ANK1: variants seen among roughly 807,000 people sequenced by gnomAD.
The protein encoded by ANK1 is ankyrin 1.
A neutral mutation model predicts 210.4 loss-of-function variants in ANK1; 51 were observed. That is an observed-to-expected ratio of 0.24 (90% CI 0.19 to 0.31). The LOEUF (loss-of-function observed/expected upper bound fraction) is 0.31, where lower values mean the gene tolerates loss of function less well. Ranked by LOEUF, ANK1 falls within the 10% of genes least tolerant of loss-of-function variation. ANK1 has a pLI of 1.00. For synonymous variants in ANK1, 967 were observed against 1,025.9 expected (o/e 0.94, Z 1.10); for missense variants, 2,051 against 2,504.4 (o/e 0.82, Z 3.86).
chr8:41,668,311 C>T lies in ANK1; in HGVS notation c.5350G>A (p.Glu1784Lys), dbSNP rs1184429661. Residue 1784 changes from glutamate to lysine, a missense_variant, in exon 39 of 43, where the codon GAG becomes AAG. This residue lies in a region of ANK1 where 496 missense variants were observed against 533.4 expected (regional missense o/e 0.93). Transcript: ENST00000289734. ...GTGTTCTTGGCCTCCTGCACCTGCTCTTCTTGGCCTTGCTGCCTCCGGTCC... is the reference window on the plus strand; with the variant it reads ...GTGTTCTTGGCCTCCTGCACCTGCTTTTCTTGGCCTTGCTGCCTCCGGTCC... The part of the protein sequence containing the change: ...DRDRRQQGQE[E>K]QVQEAKNTFT... The T allele has an allele frequency of 6.2e-7, 1 of 1,614,136 alleles. No homozygotes were observed. Among genetic ancestry groups the T allele is most frequent in the African/African-American group, 1.3e-5 (1 of 74,944 alleles).
chr8:41,718,712 C>CA (rs1466594796), intron 10 of ANK1, among the ~76,000 whole-genome samples: 1 of 152,184 alleles, frequency 6.6e-6, no homozygotes, highest in Non-Finnish European at 1.5e-5. Context: ...CAGTGGTTCT[C>CA]AAACACGGGA....
chr8:41,693,378 C>A (rs1819829666), intron 29 of ANK1, among the ~76,000 whole-genome samples, 177 bp from the exon 30 acceptor site: 1 of 150,988 alleles, frequency 6.6e-6, no homozygotes, highest in African/African-American at 2.4e-5. Flanking sequence ...GCATGCCCCT[C>A]CTCCTAGGGC....
At chr8:41,782,795 G>T (rs369497226) in intron 1 of ANK1, among the ~76,000 whole-genome samples, 1 of 152,108 alleles carries the variant, frequency 6.6e-6, no homozygotes, top group Admixed American at 6.5e-5. Flanking sequence ...ATCTGGATCC[G>T]AAATTAGATG....
At chr8:41,677,664 A>G (rs1814618732) in intron 37 of ANK1, among the ~76,000 whole-genome samples, 1 of 149,518 alleles carries the variant, frequency 6.7e-6, no homozygotes, top group Admixed American at 6.7e-5. Context: ...ATCTTGGTTC[A>G]CTGCAACCTC....
Sources: gnomAD v4.1 joint callset for allele counts (sites outside exome capture counted in the v4.1 genomes callset) on GRCh38, gnomAD v4.1.1 for gene constraint, gnomAD v4.1.1 regional missense constraint, MANE v1.5 for transcripts, NCBI Gene and HGNC (gene_info 2026-07-23, HGNC 2026-07-21) for gene names.